The following EDNRB variants were observed in gnomAD, a reference collection of about 807,000 sequenced individuals.
EDNRB encodes the protein endothelin receptor type B.
A neutral mutation model predicts 46.4 loss-of-function variants in EDNRB; 18 were observed. That is an observed-to-expected ratio of 0.39 (90% CI 0.27 to 0.57). EDNRB has a LOEUF of 0.57. Among genes scored for constraint, EDNRB ranks in the 20% least tolerant of loss-of-function variants. The pLI is 0.61. For missense variants in EDNRB, 434 were observed against 537.5 expected (o/e 0.81, Z 1.90); for synonymous variants, 213 against 204.9 (o/e 1.04, Z -0.34).
intron 1 of EDNRB, among the ~76,000 whole-genome samples, chr13:77,964,547 A>G (rs554796496): frequency 1.4e-4 from 21 of 152,260 alleles, no homozygotes; most frequent in East Asian, 1.2e-3. Flanking sequence ...CAAACACCGC[A>G]TGTTCTCACT....
intron 1 of EDNRB, among the ~76,000 whole-genome samples, chr13:77,915,088 T>C (rs1319821911): frequency 1.3e-5 from 2 of 152,184 alleles, no homozygotes; most frequent in Non-Finnish European, 1.5e-5. Flanking sequence ...AAATATAGCC[T>C]TCATAACTCA....
intron 2 of EDNRB, 66 bp downstream of exon 2, chr13:77,903,429 T>G: frequency 1.2e-6 from 2 of 1,610,434 alleles, no homozygotes; most frequent in Non-Finnish European, 1.7e-6. Context: ...ACAGTTTATT[T>G]TCTAAGTAAC....
chr13:77,913,681 G>GT (rs1879684635), intron 1 of EDNRB, among the ~76,000 whole-genome samples: 1 of 152,080 alleles, frequency 6.6e-6, no homozygotes, highest in Non-Finnish European at 1.5e-5. Context: ...CTACAACCAA[G>GT]TTTTGTTAAA....
intron 1 of EDNRB, among the ~76,000 whole-genome samples, chr13:77,972,570 C>T (rs1012189018): frequency 7.9e-5 from 12 of 152,246 alleles, no homozygotes; most frequent in African/African-American, 2.9e-4. Flanking sequence ...TCGAAATCTC[C>T]CCCGATTAAA....
chr13:77,936,484 A>G (rs1040622200), intron 1 of EDNRB, among the ~76,000 whole-genome samples: 3 of 152,172 alleles, frequency 2.0e-5, no homozygotes, highest in African/African-American at 4.8e-5. Flanking sequence ...GGTAGCCTCC[A>G]TATTAATTAA....
intron 6 of EDNRB, among the ~76,000 whole-genome samples, chr13:77,898,542 A>G (rs1283345866): frequency 6.6e-6 from 1 of 152,004 alleles, no homozygotes; most frequent in Non-Finnish European, 1.5e-5. Context: ...GAAGAAAAAA[A>G]CCTACATAGT....
At chr13:77,923,761 T>C (rs928109959), upstream of EDNRB, among the ~76,000 whole-genome samples, 1 of 149,870 alleles carries the variant, frequency 6.7e-6, no homozygotes, top group Non-Finnish European at 1.5e-5. Context: ...TATTTACTGG[T>C]AAATAAAAGA....
Position 77,896,499 on chromosome 13 carries a change from A to G in EDNRB, c.*1701T>C, listed in dbSNP as rs200426780. 10 of 1,581,896 alleles carry G rather than the reference A, an allele frequency of 6.3e-6. 1 individual carries two copies. The highest frequency in any genetic ancestry group is 2.3e-5 in the South Asian group (2 of 86,768). On this transcript the variant is annotated 3_prime_UTR_variant, in exon 7 of 7. Coordinates refer to ENST00000646607, the MANE Select transcript of EDNRB (RefSeq NM_001122659.3). ...TTGTTGGGTTTTGGTTTACTGTACCATCACATTCAATATTGACAGAAAACA... is the reference window on the plus strand; with the variant it reads ...TTGTTGGGTTTTGGTTTACTGTACCGTCACATTCAATATTGACAGAAAACA...
intron 1 of EDNRB, among the ~76,000 whole-genome samples, chr13:77,904,302 G>T (rs550830571): frequency 2.0e-5 from 3 of 151,856 alleles, no homozygotes; most frequent in Non-Finnish European, 4.4e-5. Context: ...ATTAGATACC[G>T]TAACCGGTCA....
chr13:77,908,207 G>A (rs747417533), intron 1 of EDNRB, among the ~76,000 whole-genome samples: 2 of 151,604 alleles, frequency 1.3e-5, no homozygotes, highest in Non-Finnish European at 1.5e-5. Flanking sequence ...GACTCTAAAC[G>A]CTCTTCCTTT....
At chr13:77,948,045 C>G (rs1391652570) in intron 1 of EDNRB, among the ~76,000 whole-genome samples, 2 of 152,146 alleles carry the variant, frequency 1.3e-5, no homozygotes, top group Non-Finnish European at 2.9e-5. Context: ...CTTAAAATAT[C>G]TAAGCCTTAA....
chr13:77,957,308 G>A (rs1881268159), intron 1 of EDNRB, among the ~76,000 whole-genome samples: 2 of 152,120 alleles, frequency 1.3e-5, no homozygotes, highest in South Asian at 4.1e-4. Flanking sequence ...GGGGTTTTAG[G>A]CTTGGAAGGC....
intron 1 of EDNRB, among the ~76,000 whole-genome samples, chr13:77,904,221 G>A (rs771356315): frequency 3.3e-5 from 5 of 151,864 alleles, no homozygotes; most frequent in Non-Finnish European, 7.4e-5. Flanking sequence ...GATTCACCTG[G>A]TTAACTCGCT....
rs201956974 is a variant in EDNRB at position 77,896,406 on chromosome 13, G to A, written c.*1794C>T. On this transcript the variant is annotated 3_prime_UTR_variant, in exon 7 of 7. Coordinates refer to ENST00000646607, the MANE Select transcript of EDNRB (RefSeq NM_001122659.3). ...GGATGAAATTAAAGAACAAGTTTGT[G>A]GGTGATTTATAAATAGAATCCATAT... 88 of 1,530,078 alleles carry A rather than the reference G, an allele frequency of 5.8e-5. No individual in the cohort carries two copies. The highest frequency in any genetic ancestry group is 7.3e-5 in the Non-Finnish European group (83 of 1,139,516). 94.8% of individuals were successfully genotyped at this position (1,530,078 alleles called of 1,614,324 possible).
intron 1 of EDNRB, among the ~76,000 whole-genome samples, chr13:77,906,871 C>G (rs1879307976): frequency 6.6e-6 from 1 of 151,982 alleles, no homozygotes; most frequent in Non-Finnish European, 1.5e-5. Context: ...AACCCACATG[C>G]CTGCTTGCAT....
intron 1 of EDNRB, among the ~76,000 whole-genome samples, chr13:77,917,197 C>T (rs1357108073): frequency 1.3e-5 from 2 of 152,134 alleles, no homozygotes; most frequent in African/African-American, 4.8e-5. Context: ...CAGATTGGGT[C>T]TGATCCCCAG....
chr13:77,900,246 A>G (rs1878879685), intron 5 of EDNRB, among the ~76,000 whole-genome samples: 1 of 151,908 alleles, frequency 6.6e-6, no homozygotes, highest in Non-Finnish European at 1.5e-5. Context: ...GCTGAAAAGA[A>G]GAAATTTAGA....
chr13:77,968,089 A>T (rs1001553573), intron 1 of EDNRB, among the ~76,000 whole-genome samples: 2 of 152,208 alleles, frequency 1.3e-5, no homozygotes, highest in African/African-American at 4.8e-5. Context: ...ATATTACACC[A>T]TATGAAATCA....
At chr13:77,955,862 T>C (rs1467630232) in intron 1 of EDNRB, among the ~76,000 whole-genome samples, 1 of 151,650 alleles carries the variant, frequency 6.6e-6, no homozygotes, top group Non-Finnish European at 1.5e-5. Context: ...TCTATCTATC[T>C]ATCTATCTAT....
Sources: allele counts gnomAD v4.1 joint callset (sites outside exome capture counted in the v4.1 genomes callset), GRCh38; gene constraint gnomAD v4.1.1; transcripts MANE v1.5; gene names NCBI Gene and HGNC (gene_info 2026-07-23, HGNC 2026-07-21).